The following CHSY3 variants were observed in gnomAD, a reference collection of about 807,000 sequenced individuals.
The protein encoded by CHSY3 is N-acetylgalactosaminyl-proteoglycan 3-beta-glucuronosyltransferase 3.
A neutral mutation model predicts 67.2 loss-of-function variants in CHSY3; 35 were observed. The ratio of observed to expected loss-of-function variants is 0.52; its 90% CI spans 0.40 to 0.69. The LOEUF is 0.69. CHSY3 is among the 30% of genes least tolerant of loss of function. CHSY3 has a pLI of 0.00. For missense variants in CHSY3, 1,069 were observed against 1,138.5 expected (o/e 0.94, Z 0.88); for synonymous variants, 474 against 434.7 (o/e 1.09, Z -1.12).
rs62393210 is a variant in CHSY3, at chr5:130,141,225, G to T, written c.1087-43004G>T. 1,936 of 483,370 alleles carry T rather than the reference G, an allele frequency of 4.0e-3. 13 individuals carry two copies. The highest frequency in any genetic ancestry group is 3.9e-3 in the Non-Finnish European group (959 of 245,604). 29.9% of individuals were successfully genotyped at this position (483,370 alleles called of 1,614,324 possible). A position where few individuals can be genotyped will look rare whatever the true frequency, so the allele number is the denominator to read the frequency against. ...TTGGATGTCAACTCCTCTTTTTCTT[G>T]GTATTGAAACTGCTGGTAGAGTCAT... On this transcript the variant is annotated intron_variant, in intron 2 of 2. Coordinates refer to ENST00000305031, the MANE Select transcript of CHSY3 (RefSeq NM_175856.5).
Position 129,904,679 on chromosome 5 carries a change from G to C in CHSY3, c.-151G>C, listed in dbSNP as rs1232591012. 2 of 1,168,710 alleles carry C rather than the reference G, an allele frequency of 1.7e-6. No individual in the cohort carries two copies. The highest frequency in any genetic ancestry group is 2.1e-6 in the Non-Finnish European group (2 of 936,770). The allele number at this position is 1,168,710 out of a possible 1,614,324, so 72.4% of individuals were successfully genotyped here. On this transcript the variant is annotated 5_prime_UTR_variant, in exon 1 of 3. Coordinates refer to ENST00000305031, the MANE Select transcript of CHSY3 (RefSeq NM_175856.5). ...GCCCGCGGCAGTCGAGGCGTCCGCG[G>C]CGCTTCGACCTCCAGCCGGTGTCGG...
intron 2 of CHSY3, among the ~76,000 whole-genome samples, chr5:130,045,813 TG>T (rs1235347853): frequency 6.6e-6 from 1 of 152,130 alleles, no homozygotes; most frequent in Non-Finnish European, 1.5e-5. Context: ...GAACACCTTG[TG>T]CTTGCTCAGA....
intron 2 of CHSY3, among the ~76,000 whole-genome samples, chr5:130,133,734 T>C (rs1490203390): frequency 8.0e-6 from 1 of 125,414 alleles, no homozygotes; most frequent in Non-Finnish European, 1.6e-5. Flanking sequence ...ATCACACCAC[T>C]GCACTCCAGC....
At chr5:129,995,036 T>C (rs1036307262) in intron 2 of CHSY3, among the ~76,000 whole-genome samples, 1 of 152,060 alleles carries the variant, frequency 6.6e-6, no homozygotes, top group Non-Finnish European at 1.5e-5. Context: ...AACCTAAAAC[T>C]TAAAGTATAA....
chr5:130,115,909 T>C (rs563429803), intron 2 of CHSY3, among the ~76,000 whole-genome samples: 1 of 152,310 alleles, frequency 6.6e-6, no homozygotes, highest in Admixed American at 6.5e-5. Flanking sequence ...CCCTGGAGTC[T>C]GACTGAGCTC....
rs1242619058 is a variant in CHSY3, at chr5:129,904,770, G to A, written c.-60G>A. 8 of 1,305,216 alleles carry A rather than the reference G, an allele frequency of 6.1e-6. No individual in the cohort carries two copies. Among genetic ancestry groups the A allele is most frequent in the South Asian group, 2.3e-5 (1 of 44,258 alleles). 80.9% of individuals were successfully genotyped at this position (1,305,216 alleles called of 1,614,324 possible). ...GGCGGAGGAGGGGCGGGTGTGAGCC[G>A]GGGAAACCGCGTGCCGCGCCGCGAC... On this transcript the variant is annotated 5_prime_UTR_variant, in exon 1 of 3. Transcript: ENST00000305031.
At chr5:129,932,733 A>C (rs1761357315) in intron 2 of CHSY3, among the ~76,000 whole-genome samples, 1 of 152,146 alleles carries the variant, frequency 6.6e-6, no homozygotes, top group African/African-American at 2.4e-5. Context: ...ATATTGACTA[A>C]TACCCATTTT....
intron 2 of CHSY3, among the ~76,000 whole-genome samples, chr5:129,995,870 A>C (rs1485497108): frequency 6.7e-6 from 1 of 148,778 alleles, no homozygotes; most frequent in Non-Finnish European, 1.5e-5. Context: ...CCCTCTCCCA[A>C]CTCCCACCTA....
chr5:129,905,490 C>T lies in CHSY3; in HGVS notation c.661C>T (p.Leu221=). 1.9e-6 allele frequency: 3 copies of T among 1,613,206 alleles called. No individual in the cohort carries two copies. The highest frequency in any genetic ancestry group is 2.5e-6 in the Non-Finnish European group (3 of 1,180,028). Residue 221 remains leucine (L), a synonymous_variant, in exon 1 of 3, where the codon CTG becomes TTG. Transcript: ENST00000305031. The part of the protein sequence containing the change: ...PPNAGQPPPP[L]PVIALPGVDD... The stretch of plus-strand genomic sequence containing the variant: ...CAACGCCGGCCAGCCCCCGCCACCC[C>T]TGCCTGTCATCGCGCTACCGGGTGT...
intron 2 of CHSY3, among the ~76,000 whole-genome samples, chr5:130,050,248 C>G (rs1411537187): frequency 6.6e-6 from 1 of 152,074 alleles, no homozygotes; most frequent in African/African-American, 2.4e-5. Flanking sequence ...TGTCTTCTAT[C>G]TCACGTTAAA....
chr5:130,020,813 C>T (rs989439921), intron 2 of CHSY3, among the ~76,000 whole-genome samples: 9 of 152,134 alleles, frequency 5.9e-5, no homozygotes, highest in African/African-American at 1.9e-4. Flanking sequence ...CTGTCCCCTA[C>T]TCAGTCTGTC....
chr5:130,040,634 A>G (rs1764982327), intron 2 of CHSY3, among the ~76,000 whole-genome samples: 1 of 152,266 alleles, frequency 6.6e-6, no homozygotes, highest in East Asian at 1.9e-4. Flanking sequence ...TTGCAACTAT[A>G]GTCGTGGAAA....
chr5:130,126,143 G>A (rs1393611896), intron 2 of CHSY3, among the ~76,000 whole-genome samples: 1 of 152,112 alleles, frequency 6.6e-6, no homozygotes, highest in Non-Finnish European at 1.5e-5. Flanking sequence ...TCTGCCCCGG[G>A]AGAGTTTTCT....
Position 130,186,542 on chromosome 5 carries a change from CCTT to C in CHSY3, c.*753_*755del, listed in dbSNP as rs1162492448. On this transcript the variant is annotated 3_prime_UTR_variant, in exon 3 of 3. Transcript: ENST00000305031. ...TTTTAGAAGCTTTATGAAACAATGT[CCTT>C]CATTTGCTGGCAAGAAGATAAAATA... 2.6e-5 allele frequency: 4 copies of C among 152,636 alleles called. No individual in the cohort carries two copies. Among genetic ancestry groups the C allele is most frequent in the African/African-American group, 9.7e-5 (4 of 41,412 alleles). 9.5% of individuals were successfully genotyped at this position (152,636 alleles called of 1,614,324 possible). A position where few individuals can be genotyped will look rare whatever the true frequency, so the allele number is the denominator to read the frequency against.
At chr5:130,063,629 G>T (rs1260914112) in intron 2 of CHSY3, among the ~76,000 whole-genome samples, 1 of 152,004 alleles carries the variant, frequency 6.6e-6, no homozygotes, top group Non-Finnish European at 1.5e-5. Context: ...TAGTGCATTT[G>T]TGCTACCACA....
At chr5:130,162,806 G>A (rs550822462) in intron 2 of CHSY3, among the ~76,000 whole-genome samples, 1 of 152,286 alleles carries the variant, frequency 6.6e-6, no homozygotes, top group South Asian at 2.1e-4. Flanking sequence ...CTTGAAGGAT[G>A]GTAGAAAGGC....
chr5:129,974,035 A>G (rs1296325343), intron 2 of CHSY3, among the ~76,000 whole-genome samples: 1 of 152,086 alleles, frequency 6.6e-6, no homozygotes, highest in Non-Finnish European at 1.5e-5. Flanking sequence ...TAGATTGACC[A>G]CCTCTGAACT....
At chr5:130,021,828 G>A (rs780609361) in intron 2 of CHSY3, among the ~76,000 whole-genome samples, 1 of 152,076 alleles carries the variant, frequency 6.6e-6, no homozygotes, top group Non-Finnish European at 1.5e-5. Flanking sequence ...GGGTTATGAA[G>A]ACTTTCACTT....
chr5:129,994,207 G>T (rs1160742178), intron 2 of CHSY3, among the ~76,000 whole-genome samples: 1 of 152,018 alleles, frequency 6.6e-6, no homozygotes, highest in Admixed American at 6.6e-5. Context: ...TGCTCTTCTC[G>T]AGGAGTGTCT....
Sources: allele counts gnomAD v4.1 joint callset (sites outside exome capture counted in the v4.1 genomes callset), GRCh38; gene constraint gnomAD v4.1.1; transcripts MANE v1.5; gene names NCBI Gene and HGNC (gene_info 2026-07-23, HGNC 2026-07-21).